AKT2: variants seen among roughly 807,000 people sequenced by gnomAD.
AKT2 encodes RAC-beta serine/threonine-protein kinase.
AKT2 carries 16 observed loss-of-function variants against 58.6 expected under a neutral mutation model. The observed-to-expected ratio is 0.27, with a 90% CI of 0.18 to 0.41. AKT2 has a LOEUF of 0.41. Among genes scored for constraint, AKT2 ranks in the 10% least tolerant of loss-of-function variants. The probability of loss-of-function intolerance (pLI) is 1.00; values close to 1 mark genes in which losing one functional copy is unlikely to be tolerated. For missense variants in AKT2, 438 were observed against 661.0 expected (o/e 0.66, Z 3.70); for synonymous variants, 253 against 254.0 (o/e 1.00, Z 0.04).
At chr19:40,266,533 A>G (rs1976369382) in intron 1 of AKT2, among the ~76,000 whole-genome samples, 1 of 152,220 alleles carries the variant, frequency 6.6e-6, no homozygotes, top group Non-Finnish European at 1.5e-5. Flanking sequence ...CTGGGCTCCA[A>G]GCTGCAAAGG....
At chr19:40,239,723 T>A (rs1002083837) in intron 7 of AKT2, 7 of 502,862 alleles carry the variant, frequency 1.4e-5, no homozygotes, top group Admixed American at 3.0e-5. Flanking sequence ...ACAAAAAAAA[T>A]AATGTTTCCA....
chr19:40,251,902 A>G (rs1272997261), intron 4 of AKT2, among the ~76,000 whole-genome samples: 1 of 152,244 alleles, frequency 6.6e-6, no homozygotes, highest in African/African-American at 2.4e-5. Flanking sequence ...AACCAGATGA[A>G]GCAGACACGG....
At chr19:40,282,042 G>A (rs574057946) in intron 1 of AKT2, among the ~76,000 whole-genome samples, 1 of 152,220 alleles carries the variant, frequency 6.6e-6, no homozygotes, top group East Asian at 1.9e-4. Context: ...GCTCTCACTC[G>A]CTTCCATACA....
At chr19:40,269,201 T>C (rs1976559668) in intron 1 of AKT2, 1 of 152,112 alleles carries the variant, frequency 6.6e-6, no homozygotes, top group African/African-American at 2.4e-5. Flanking sequence ...GGAACCCCCA[T>C]AGCACGCCCT....
chr19:40,241,863 C>T (rs796814367), intron 6 of AKT2, 75 bp downstream of exon 6: 31 of 1,602,448 alleles, frequency 1.9e-5, no homozygotes, highest in South Asian at 1.2e-4. Context: ...CGCGGGTAAG[C>T]GTCCAGGCCT....
chr19:40,282,517 G>C (rs374524932), intron 1 of AKT2: 1 of 530,216 alleles, frequency 1.9e-6, no homozygotes, highest in Non-Finnish European at 3.9e-6. Flanking sequence ...GCTGTAGGCA[G>C]AGATGCTCAG....
rs1973782978 is a variant in AKT2 at position 40,232,879 on chromosome 19, G to A, written c.*993C>T. 4.3e-6 allele frequency: 1 copy of A among 235,136 alleles called. No homozygotes were observed. Among genetic ancestry groups the A allele is most frequent in the Non-Finnish European group, 8.4e-6 (1 of 119,170 alleles). 14.6% of individuals were successfully genotyped at this position (235,136 alleles called of 1,614,324 possible). A position where few individuals can be genotyped will look rare whatever the true frequency, so the allele number is the denominator to read the frequency against. ...CTGGGGAGAGGGAGGGGTGAGGGGG[G>A]CCTAGGAGCCTCCCTTTTCAGAGGC... On this transcript the variant is annotated 3_prime_UTR_variant, in exon 14 of 14. Transcript: ENST00000392038.
chr19:40,261,447 T>TGAA (rs1235862531), intron 2 of AKT2, among the ~76,000 whole-genome samples: 1 of 150,598 alleles, frequency 6.6e-6, no homozygotes, highest in Admixed American at 6.7e-5. Flanking sequence ...GCAGGAGAAT[T>TGAA]CCTTGAACCA....
At chr19:40,271,242 T>C (rs2077209225) in intron 1 of AKT2, among the ~76,000 whole-genome samples, 1 of 146,918 alleles carries the variant, frequency 6.8e-6, no homozygotes, top group Non-Finnish European at 1.5e-5. Flanking sequence ...CATATATATG[T>C]ATATATACAC....
In AKT2 at chr19:40,233,407, G is replaced by A. The variant is rs1973815485; in HGVS notation, c.*465C>T. 4.3e-6 allele frequency: 2 copies of A among 467,002 alleles called. No homozygotes were observed. The highest frequency in any genetic ancestry group is 8.1e-6 in the Non-Finnish European group (2 of 246,686). The allele number at this position is 467,002 out of a possible 1,614,324, so 28.9% of individuals were successfully genotyped here. On this transcript the variant is annotated 3_prime_UTR_variant, in exon 14 of 14. Transcript: ENST00000392038. This position sits in a 1 kb window ranked among gnomAD's most constrained non-coding sequence, Gnocchi z 4.3. ...TGGGGGATTGGACCGCCCCGTGCCTGGCCACTCCGAGCCTAGGCCACGGGG... is the reference window on the plus strand; with the variant it reads ...TGGGGGATTGGACCGCCCCGTGCCTAGCCACTCCGAGCCTAGGCCACGGGG...
intron 4 of AKT2, among the ~76,000 whole-genome samples, chr19:40,245,416 G>C (rs1386331184): frequency 1.3e-5 from 2 of 152,172 alleles, no homozygotes; most frequent in Non-Finnish European, 2.9e-5. Context: ...ACAGTATACA[G>C]TTCTGTGCTC....
At chr19:40,257,527 G>A (rs922953821) in intron 2 of AKT2, among the ~76,000 whole-genome samples, 3 of 151,540 alleles carry the variant, frequency 2.0e-5, no homozygotes, top group East Asian at 1.9e-4. Flanking sequence ...CCCTCCCAGC[G>A]CCCCTTGACT....
intron 2 of AKT2, among the ~76,000 whole-genome samples, chr19:40,264,629 G>A (rs1976207271): frequency 1.3e-5 from 2 of 152,104 alleles, no homozygotes; most frequent in South Asian, 4.2e-4. Context: ...CCTCTCCCTG[G>A]GACACCCTTG....
intron 2 of AKT2, among the ~76,000 whole-genome samples, chr19:40,258,260 AAAAC>A (rs1975693754): frequency 6.6e-6 from 1 of 151,104 alleles, no homozygotes; most frequent in Non-Finnish European, 1.5e-5. Flanking sequence ...AAAAAAAAAA[AAAAC>A]AAAAAAAAAA....
intron 1 of AKT2, chr19:40,280,957 G>C (rs1292855623): frequency 6.6e-6 from 1 of 152,324 alleles, no homozygotes; most frequent in Non-Finnish European, 1.5e-5. Context: ...TAGGGACTTT[G>C]GCAAGTACAC....
In AKT2 at chr19:40,265,299, G is replaced by A. The variant is rs764821660; in HGVS notation, c.-32C>T. 1.7e-5 allele frequency: 27 copies of A among 1,609,514 alleles called. No homozygotes were observed. Among genetic ancestry groups the A allele is most frequent in the South Asian group, 1.3e-4 (12 of 90,188 alleles). The stretch of plus-strand genomic sequence containing the variant: ...AGCGTGGTACGCTGTCACCTAGCTC[G>A]GGACAGCTCAGGGCAGCAGGACATG... On this transcript the variant is annotated 5_prime_UTR_variant, in exon 2 of 14. An upstream open reading frame in the 5' UTR gains an earlier in-frame stop. Transcript: ENST00000392038.
At chr19:40,257,080 G>C (rs960917769) in intron 2 of AKT2, 26 bp from the exon 3 acceptor site, 3 of 1,613,230 alleles carry the variant, frequency 1.9e-6, no homozygotes, top group South Asian at 2.2e-5. Flanking sequence ...AAGGGAGGGA[G>C]AGAGGTTAGG....
Position 40,233,490 on chromosome 19 carries a change from G to A in AKT2, c.*382C>T, listed in dbSNP as rs529320588. On this transcript the variant is annotated 3_prime_UTR_variant, in exon 14 of 14. Coordinates refer to ENST00000392038, the MANE Select transcript of AKT2 (RefSeq NM_001626.6). The surrounding 1 kb of genome is among the most constrained non-coding windows in gnomAD (Gnocchi z 4.3). ...CGCGTCCCACCAGAAGGCAGCCTTC[G>A]TCCAGATGCAGCAGCGCGGAGGCAG... 6.0e-5 allele frequency: 34 copies of A among 566,612 alleles called. No individual in the cohort carries two copies. The highest frequency in any genetic ancestry group is 3.3e-4 in the Admixed American group (16 of 48,734). 35.1% of individuals were successfully genotyped at this position (566,612 alleles called of 1,614,324 possible). A position where few individuals can be genotyped will look rare whatever the true frequency, so the allele number is the denominator to read the frequency against.
At position 40,285,332 on chromosome 19, in the gene AKT2, A is replaced by G. The variant is rs1009734054; in HGVS notation, c.-236T>C. On this transcript the variant is annotated 5_prime_UTR_variant, in exon 1 of 14. Transcript: ENST00000392038. ...CGACGCCTCCTCCGAGGCAGGCCCAACGGCTAGCACGGCGCGGCCCCCCCC... is the reference window on the plus strand; with the variant it reads ...CGACGCCTCCTCCGAGGCAGGCCCAGCGGCTAGCACGGCGCGGCCCCCCCC... 3.1e-5 allele frequency: 12 copies of G among 391,242 alleles called. No homozygotes were observed. Among genetic ancestry groups the G allele is most frequent in the Non-Finnish European group, 5.0e-5 (11 of 221,788 alleles). 24.2% of individuals were successfully genotyped at this position (391,242 alleles called of 1,614,324 possible). A position where few individuals can be genotyped will look rare whatever the true frequency, so the allele number is the denominator to read the frequency against.
Sources: gnomAD v4.1 joint callset for allele counts (sites outside exome capture counted in the v4.1 genomes callset) on GRCh38, gnomAD v4.1.1 for gene constraint, Gnocchi (gnomAD v3.1) non-coding constraint, MANE v1.5 for transcripts, NCBI Gene and HGNC (gene_info 2026-07-23, HGNC 2026-07-21) for gene names.